Variants in TMEM150C observed in about 807,000 individuals in gnomAD.
The protein encoded by TMEM150C is transmembrane protein 150C.
A neutral mutation model predicts 29.9 loss-of-function variants in TMEM150C; 10 were observed. The ratio of observed to expected loss-of-function variants is 0.33; its 90% CI spans 0.21 to 0.57. The LOEUF is 0.57. Ranked by LOEUF, TMEM150C falls within the 20% of genes least tolerant of loss-of-function variation. The pLI is 0.88. For synonymous variants in TMEM150C, 101 were observed against 112.5 expected (o/e 0.90, Z 0.64); for missense variants, 251 against 303.6 (o/e 0.83, Z 1.29).
At chr4:82,523,107 C>T (rs1317263725) in intron 1 of TMEM150C, among the ~76,000 whole-genome samples, 1 of 152,030 alleles carries the variant, frequency 6.6e-6, no homozygotes, top group Non-Finnish European at 1.5e-5. Context: ...GGTTCTTTGT[C>T]CTCATGCCAG....
chr4:82,505,729 TG>T (rs1418048457), intron 1 of TMEM150C, among the ~76,000 whole-genome samples: 1 of 152,088 alleles, frequency 6.6e-6, no homozygotes, highest in Non-Finnish European at 1.5e-5. Flanking sequence ...ATAAATAGAC[TG>T]AAAAAAATAC....
At chr4:82,494,781 T>C (rs1198424781) in intron 6 of TMEM150C, 2 of 270,678 alleles carry the variant, frequency 7.4e-6, no homozygotes, top group Admixed American at 4.6e-5. Flanking sequence ...CCAATGTTCC[T>C]AATTTTTTTT....
intron 6 of TMEM150C, among the ~76,000 whole-genome samples, chr4:82,493,797 AC>A: frequency 6.6e-6 from 1 of 152,294 alleles, no homozygotes; most frequent in Admixed American, 6.5e-5. Context: ...AACAGGATAA[AC>A]TCTCAAATAT....
intron 1 of TMEM150C, among the ~76,000 whole-genome samples, chr4:82,552,682 G>A (rs968856496): frequency 1.2e-4 from 18 of 152,210 alleles, no homozygotes; most frequent in African/African-American, 4.3e-4. Flanking sequence ...CCCACCCAGA[G>A]ATTCTGATTT....
At chr4:82,528,846 G>A (rs1000029670) in intron 1 of TMEM150C, among the ~76,000 whole-genome samples, 2 of 151,868 alleles carry the variant, frequency 1.3e-5, no homozygotes, top group Non-Finnish European at 1.5e-5. Flanking sequence ...TGCCCGCCTC[G>A]GCCTCCCAAA....
intron 1 of TMEM150C, among the ~76,000 whole-genome samples, chr4:82,526,849 C>G (rs1343787814): frequency 6.6e-6 from 1 of 152,072 alleles, no homozygotes; most frequent in Non-Finnish European, 1.5e-5. Context: ...AGACTACATA[C>G]TGAGCGTAAT....
chr4:82,511,519 G>C (rs1488301714), intron 1 of TMEM150C, among the ~76,000 whole-genome samples: 1 of 127,856 alleles, frequency 7.8e-6, no homozygotes, highest in Non-Finnish European at 1.5e-5. Context: ...CTGTCACTCA[G>C]GCTGGAGTGC....
chr4:82,506,590 G>T (rs1447109318), intron 1 of TMEM150C, among the ~76,000 whole-genome samples: 1 of 152,116 alleles, frequency 6.6e-6, no homozygotes, highest in East Asian at 1.9e-4. Flanking sequence ...CTGAGGCAAG[G>T]TCTAATGAAT....
chr4:82,542,442 G>C (rs1725229087), intron 1 of TMEM150C, among the ~76,000 whole-genome samples: 1 of 152,176 alleles, frequency 6.6e-6, no homozygotes, highest in African/African-American at 2.4e-5. Flanking sequence ...CTTGGATTTG[G>C]TCCTATAAAT....
chr4:82,555,413 C>A (rs1386739564), intron 1 of TMEM150C, among the ~76,000 whole-genome samples: 1 of 152,136 alleles, frequency 6.6e-6, no homozygotes, highest in Non-Finnish European at 1.5e-5. Flanking sequence ...GAGACAAAAT[C>A]TGTAGTCAGT....
At chr4:82,500,593 G>C (rs183713080) in intron 5 of TMEM150C, among the ~76,000 whole-genome samples, 8 of 152,268 alleles carry the variant, frequency 5.3e-5, no homozygotes, top group Non-Finnish European at 8.8e-5. Context: ...GGAGCAGGAA[G>C]GACTGGAGAA....
At chr4:82,537,177 G>T (rs887948767) in intron 1 of TMEM150C, among the ~76,000 whole-genome samples, 1 of 151,980 alleles carries the variant, frequency 6.6e-6, no homozygotes, top group Non-Finnish European at 1.5e-5. Flanking sequence ...AGTAGAGATG[G>T]GGTTTCACTG....
intron 1 of TMEM150C, among the ~76,000 whole-genome samples, chr4:82,555,006 T>C (rs1253615465): frequency 1.3e-5 from 2 of 152,254 alleles, no homozygotes; most frequent in Non-Finnish European, 2.9e-5. Context: ...GGCAAGCTGT[T>C]GCCTCTTCTA....
intron 1 of TMEM150C, among the ~76,000 whole-genome samples, chr4:82,526,558 A>G (rs960359722): frequency 6.6e-6 from 1 of 152,170 alleles, no homozygotes; most frequent in African/African-American, 2.4e-5. Flanking sequence ...GCAGCTCTGT[A>G]AGGTGGAGAC....
At chr4:82,521,638 A>AT (rs1724488463) in intron 1 of TMEM150C, among the ~76,000 whole-genome samples, 1 of 152,254 alleles carries the variant, frequency 6.6e-6, no homozygotes, top group South Asian at 2.1e-4. Flanking sequence ...AGATGCTGAA[A>AT]GGGAATGGAA....
At chr4:82,542,981 G>C (rs1309425849) in intron 1 of TMEM150C, among the ~76,000 whole-genome samples, 1 of 152,208 alleles carries the variant, frequency 6.6e-6, no homozygotes, top group African/African-American at 2.4e-5. Flanking sequence ...TTCATGCACT[G>C]TATTAATGAC....
chr4:82,543,397 A>G (rs1460668850), intron 1 of TMEM150C, among the ~76,000 whole-genome samples: 1 of 152,212 alleles, frequency 6.6e-6, no homozygotes, highest in Non-Finnish European at 1.5e-5. Context: ...GCTAAAATAA[A>G]TAACTTATCC....
At chr4:82,495,916 G>T in intron 6 of TMEM150C, 152 bp downstream of exon 6, 1 of 930,570 alleles carries the variant, frequency 1.1e-6, no homozygotes, top group Non-Finnish European at 1.6e-6. Context: ...GAACAGCTCC[G>T]AGTTGCCATG....
At chr4:82,504,909 A>T (rs535411739) in intron 1 of TMEM150C, among the ~76,000 whole-genome samples, 14 of 152,294 alleles carry the variant, frequency 9.2e-5, no homozygotes, top group African/African-American at 2.2e-4. Flanking sequence ...GGGCGCCTGT[A>T]GTCCCAGCTA....
Sources: gnomAD v4.1 joint callset for allele counts (sites outside exome capture counted in the v4.1 genomes callset) on GRCh38, gnomAD v4.1.1 for gene constraint, MANE v1.5 for transcripts, NCBI Gene and HGNC (gene_info 2026-07-23, HGNC 2026-07-21) for gene names.